The following CDH12 variants were observed in gnomAD, a reference collection of about 807,000 sequenced individuals.
CDH12 encodes cadherin 12, also known as cadherin-12.
A neutral mutation model predicts 74.1 loss-of-function variants in CDH12; 41 were observed. That is an observed-to-expected ratio of 0.55 (90% CI 0.43 to 0.72). The LOEUF (loss-of-function observed/expected upper bound fraction) is 0.72, where lower values mean the gene tolerates loss of function less well. CDH12 is among the 30% of genes least tolerant of loss of function. The pLI is 0.00. For synonymous variants in CDH12, 399 were observed against 355.0 expected (o/e 1.12, Z -1.39); for missense variants, 945 against 977.2 (o/e 0.97, Z 0.44).
In CDH12 at chr5:22,768,282, C is replaced by T. The variant is rs181541763; in HGVS notation, c.-523+84776G>A. On this transcript the variant is annotated intron_variant, in intron 1 of 14. Transcript: ENST00000382254. The stretch of plus-strand genomic sequence containing the variant: ...AAAACTGTAGTTAGATAACTCTATC[C>T]CATGGAAACTAAATATGTGTTATAA... Among the ~76,000 whole-genome samples, 383 of 152,022 alleles carry T rather than the reference C, an allele frequency of 2.5e-3. 2 individuals are homozygous for T. Among genetic ancestry groups the T allele is most frequent in the Admixed American group, 5.0e-3 (76 of 15,258 alleles).
chr5:22,847,547 A>T (rs1449735713), intron 1 of CDH12, among the ~76,000 whole-genome samples: 1 of 152,186 alleles, frequency 6.6e-6, no homozygotes, highest in Non-Finnish European at 1.5e-5. Flanking sequence ...GGAAACTATT[A>T]ATGTTAATTT....
rs1053890526 is a variant in CDH12, at chr5:21,950,790, AT to A, written c.526+24300del. Among the ~76,000 whole-genome samples, 514 of 140,978 alleles carry A rather than the reference AT, an allele frequency of 3.6e-3. 4 individuals carry two copies. Among genetic ancestry groups the A allele is most frequent in the African/African-American group, 0.013 (480 of 36,156 alleles). The allele number at this position is 140,978 out of a possible 152,430, so 92.5% of individuals were successfully genotyped here. A position where few individuals can be genotyped will look rare whatever the true frequency, so the allele number is the denominator to read the frequency against. On this transcript the variant is annotated intron_variant, in intron 6 of 14. Transcript: ENST00000382254. The stretch of plus-strand genomic sequence containing the variant: ...TATTATTATTATTATTATTATTATT[AT>A]TATTATTATTTTGAGACAGAGTCTC...
intron 3 of CDH12, among the ~76,000 whole-genome samples, chr5:22,246,069 A>G (rs1312445580): frequency 6.6e-6 from 1 of 152,134 alleles, no homozygotes; most frequent in Non-Finnish European, 1.5e-5. Flanking sequence ...TTCACATACA[A>G]ATTCTACACT....
At chr5:22,641,489 A>G (rs1191858157) in intron 1 of CDH12, among the ~76,000 whole-genome samples, 1 of 151,866 alleles carries the variant, frequency 6.6e-6, no homozygotes. Flanking sequence ...TCACACACCA[A>G]TCTCCTCCAG....
chr5:22,645,011 T>C (rs1739363830), intron 1 of CDH12, among the ~76,000 whole-genome samples: 1 of 152,064 alleles, frequency 6.6e-6, no homozygotes, highest in Non-Finnish European at 1.5e-5. Context: ...TTCCAAAATA[T>C]TACTGCTGAT....
intron 11 of CDH12, among the ~76,000 whole-genome samples, chr5:21,769,798 AACC>A (rs1487656136): frequency 6.6e-6 from 1 of 152,166 alleles, no homozygotes; most frequent in African/African-American, 2.4e-5. Context: ...TGTTGGCATC[AACC>A]ACCATTTTCT....
At chr5:22,589,001 T>C (rs185558073) in intron 1 of CDH12, among the ~76,000 whole-genome samples, 2 of 152,280 alleles carry the variant, frequency 1.3e-5, no homozygotes, top group Admixed American at 6.5e-5. Context: ...GATTTGATTA[T>C]ATTTTTCATA....
intron 3 of CDH12, among the ~76,000 whole-genome samples, chr5:22,395,219 G>A (rs994787626): frequency 8.5e-5 from 13 of 152,102 alleles, no homozygotes; most frequent in Admixed American, 7.2e-4. Context: ...AGGAGAAGAC[G>A]TATGGAAGAG....
In CDH12 at chr5:22,060,587, C is replaced by T. The variant is rs1020783738; in HGVS notation, c.231+17859G>A. ...AGGAAGATATTTAAATGATTTCTGA[C>T]ATTACTAAGTCACAGCACTATGTGG... On this transcript the variant is annotated intron_variant, in intron 5 of 14. Coordinates refer to ENST00000382254, the MANE Select transcript of CDH12 (RefSeq NM_004061.5). Among the ~76,000 whole-genome samples the T allele has an allele frequency of 3.1e-4, 47 of 152,214 alleles. 1 individual carries two copies. Among genetic ancestry groups the T allele is most frequent in the African/African-American group, 1.0e-3 (42 of 41,544 alleles).
intron 2 of CDH12, among the ~76,000 whole-genome samples, chr5:22,476,413 A>G (rs1445592366): frequency 1.3e-5 from 2 of 152,124 alleles, no homozygotes; most frequent in Admixed American, 6.6e-5. Flanking sequence ...TGATTAATCT[A>G]TATTAAACAT....
At chr5:22,179,109 C>T (rs906553906) in intron 4 of CDH12, among the ~76,000 whole-genome samples, 3 of 152,152 alleles carry the variant, frequency 2.0e-5, no homozygotes, top group Admixed American at 6.6e-5. Flanking sequence ...AGTATTGGCA[C>T]ATAATAGGCA....
chr5:22,843,063 A>G (rs1737148136), intron 1 of CDH12, among the ~76,000 whole-genome samples: 1 of 152,246 alleles, frequency 6.6e-6, no homozygotes, highest in South Asian at 2.1e-4. Context: ...TTGGCATTAA[A>G]GAATAGAAGA....
rs115783671 is a variant in CDH12, at chr5:22,477,428, T to C, written c.-428+27842A>G. 6.1e-3 allele frequency among the ~76,000 whole-genome samples: 935 copies of C among 152,292 alleles called. 7 individuals carry two copies. Among genetic ancestry groups the C allele is most frequent in the African/African-American group, 0.021 (878 of 41,568 alleles). On this transcript the variant is annotated intron_variant, in intron 2 of 14. Transcript: ENST00000382254. Reference sequence around the variant, plus strand: ...CAAAGGATATGATCTCATTTTCTTTTATGGCTGCGTAGTATTTCATGGTGT... The same window carrying C: ...CAAAGGATATGATCTCATTTTCTTTCATGGCTGCGTAGTATTTCATGGTGT...
chr5:22,800,186 A>G (rs1748438722), intron 1 of CDH12, among the ~76,000 whole-genome samples: 1 of 152,184 alleles, frequency 6.6e-6, no homozygotes, highest in Non-Finnish European at 1.5e-5. Context: ...TGCAATTTCA[A>G]TTTTGACTTG....
intron 10 of CDH12, among the ~76,000 whole-genome samples, chr5:21,789,439 A>C (rs2149905378): frequency 6.6e-6 from 1 of 152,204 alleles, no homozygotes; most frequent in African/African-American, 2.4e-5. Flanking sequence ...AAGTTTTAGT[A>C]GCTTTTCTTG....
intron 9 of CDH12, among the ~76,000 whole-genome samples, chr5:21,810,095 T>C (rs903859316): frequency 2.0e-5 from 3 of 152,106 alleles, no homozygotes; most frequent in African/African-American, 7.2e-5. Context: ...GGAATGTAGC[T>C]TGTGCATATG....
At chr5:22,346,105 CA>C (rs5866560) in intron 3 of CDH12, among the ~76,000 whole-genome samples, 10,615 of 101,534 alleles carry the variant, frequency 0.1, 509 homozygotes, top group African/African-American at 0.21. Flanking sequence ...GACTTCATCT[CA>C]AAAAAAAAAA....
At chr5:22,362,075 C>G (rs1740827770) in intron 3 of CDH12, among the ~76,000 whole-genome samples, 1 of 152,006 alleles carries the variant, frequency 6.6e-6, no homozygotes, top group Admixed American at 6.6e-5. Flanking sequence ...CCAAAAGTGA[C>G]AAATGTGATC....
At chr5:21,846,659 T>A (rs1302711710) in intron 7 of CDH12, among the ~76,000 whole-genome samples, 5 of 152,140 alleles carry the variant, frequency 3.3e-5, no homozygotes. Context: ...CTTCTACATA[T>A]GCCCTGAAGA....
Sources: gnomAD v4.1 joint callset for allele counts (sites outside exome capture counted in the v4.1 genomes callset) on GRCh38, gnomAD v4.1.1 for gene constraint, MANE v1.5 for transcripts, NCBI Gene and HGNC (gene_info 2026-07-23, HGNC 2026-07-21) for gene names.